The following CEP112 variants were observed in gnomAD, a reference collection of about 807,000 sequenced individuals.
CEP112 encodes the protein centrosomal protein 112.
CEP112 carries 127 observed loss-of-function variants against 153.0 expected under a neutral mutation model. The ratio of observed to expected loss-of-function variants is 0.83; its 90% CI spans 0.72 to 0.96. The LOEUF (loss-of-function observed/expected upper bound fraction) is 0.96. Among genes scored for constraint, CEP112 ranks in the 40% least tolerant of loss-of-function variants. The pLI is 0.00. For missense variants in CEP112, 1,089 were observed against 1,101.2 expected, an observed-to-expected ratio of 0.99 and a Z score of 0.16; for synonymous variants, 358 against 374.4, an observed-to-expected ratio of 0.96 and a Z score of 0.51.
intron 2 of CEP112, 139 bp from the exon 3 acceptor site, chr17:66,177,159 CT>C: frequency 1.6e-6 from 1 of 629,756 alleles, no homozygotes; most frequent in Non-Finnish European, 2.6e-6. Context: ...AGAGTATATA[CT>C]TTAGGCTTCA....
At chr17:66,059,397 G>A (rs557181205) in intron 11 of CEP112, among the ~76,000 whole-genome samples, 2 of 152,188 alleles carry the variant, frequency 1.3e-5, no homozygotes, top group East Asian at 1.9e-4. Context: ...TGCAAACTAT[G>A]TATCTGACAA....
At position 66,191,551 on chromosome 17, in the gene CEP112, G is replaced by A. The variant is rs1416563974; in HGVS notation, c.-9+446C>T. 3.3e-5 allele frequency: 5 copies of A among 152,640 alleles called. No homozygotes were observed. The highest frequency in any genetic ancestry group is 1.2e-4 in the African/African-American group (5 of 41,454). The allele number at this position is 152,640 out of a possible 1,614,324, so 9.5% of individuals were successfully genotyped here. A position where few individuals can be genotyped will look rare whatever the true frequency, so the allele number is the denominator to read the frequency against. ...TGGTTCTGTCCCCGCAAATCCAGCTGATTGTTCTGAGACTCTTTTCTGGGA... is the reference window on the plus strand; with the variant it reads ...TGGTTCTGTCCCCGCAAATCCAGCTAATTGTTCTGAGACTCTTTTCTGGGA... On this transcript the variant is annotated intron_variant, in intron 1 of 26. Transcript: ENST00000535342. This position sits in a 1 kb window ranked among gnomAD's most constrained non-coding sequence, Gnocchi z 4.2.
chr17:66,108,444 TG>T (rs528897755), intron 6 of CEP112, among the ~76,000 whole-genome samples: 8 of 152,134 alleles, frequency 5.3e-5, no homozygotes, highest in South Asian at 4.1e-4. Context: ...GACTTGAAAA[TG>T]GGCAAAAGAT....
intron 8 of CEP112, among the ~76,000 whole-genome samples, chr17:66,078,257 C>CT (rs1188440615): frequency 3.9e-5 from 2 of 50,766 alleles, no homozygotes; most frequent in African/African-American, 5.7e-5. Flanking sequence ...CTTTTCTTTT[C>CT]TTTTTCTTTT....
intron 17 of CEP112, among the ~76,000 whole-genome samples, chr17:65,993,714 C>G (rs535296969): frequency 2.0e-5 from 3 of 152,140 alleles, no homozygotes; most frequent in Non-Finnish European, 2.9e-5. Context: ...TCTCACAAAC[C>G]TAAATATTGA....
chr17:65,891,588 T>C (rs2059469365), intron 20 of CEP112, among the ~76,000 whole-genome samples: 2 of 152,166 alleles, frequency 1.3e-5, no homozygotes, highest in African/African-American at 4.8e-5. Context: ...GCATGCCATA[T>C]TGGCATCTAG....
At chr17:65,872,764 A>G (rs72831462) in intron 20 of CEP112, among the ~76,000 whole-genome samples, 9,474 of 152,304 alleles carry the variant, frequency 0.062, 355 homozygotes, top group South Asian at 0.12. Context: ...ACTGAAAACT[A>G]ATAAACATCA....
chr17:65,832,916 T>C lies in CEP112; in HGVS notation c.2394+18888A>G, dbSNP rs9911238. Among the ~76,000 whole-genome samples the C allele has an allele frequency of 3.2e-3, 482 of 152,198 alleles. 3 individuals carry two copies. Among genetic ancestry groups the C allele is most frequent in the African/African-American group, 0.011 (455 of 41,530 alleles). ...ACAAAACAACAAAAAAAGAAAACTT[T>C]AGGCCAATATACTTGATGAACATTG... On this transcript the variant is annotated intron_variant, in intron 21 of 26. Transcript: ENST00000535342.
rs57907674 is a variant in CEP112, at chr17:65,679,129, C to CTTTTTTTTTTT, written c.2697+9989_2697+9999dup. The stretch of plus-strand genomic sequence containing the variant: ...AATGTCCTTGACACTGTGGTTCAAG[C>CTTTTTTTTTTT]TTTTTTTTTTTTTTTTTTTTTTTTT... On this transcript the variant is annotated intron_variant, in intron 24 of 26. Coordinates refer to ENST00000535342, the MANE Select transcript of CEP112 (RefSeq NM_001199165.4). 5.4e-4 allele frequency among the ~76,000 whole-genome samples: 17 copies of CTTTTTTTTTTT among 31,628 alleles called. 6 individuals carry two copies. The highest frequency in any genetic ancestry group is 9.0e-4 in the Non-Finnish European group (15 of 16,754). 20.7% of individuals were successfully genotyped at this position (31,628 alleles called of 152,430 possible).
At chr17:65,701,755 A>G (rs1282293878) in intron 23 of CEP112, among the ~76,000 whole-genome samples, 1 of 151,918 alleles carries the variant, frequency 6.6e-6, no homozygotes, top group African/African-American at 2.4e-5. Context: ...CTTCCCTTCC[A>G]CCTGTCCTGC....
intron 8 of CEP112, among the ~76,000 whole-genome samples, chr17:66,073,302 G>A (rs959017838): frequency 6.6e-6 from 1 of 152,182 alleles, no homozygotes; most frequent in African/African-American, 2.4e-5. Context: ...TTCCGCCTGG[G>A]TACAACAACT....
intron 23 of CEP112, among the ~76,000 whole-genome samples, chr17:65,726,780 C>A (rs2050208153): frequency 3.9e-5 from 6 of 152,118 alleles, no homozygotes; most frequent in Admixed American, 3.9e-4. Context: ...CATCTGGAGA[C>A]CTACTCAGGA....
chr17:65,870,130 T>A (rs1379782592), intron 20 of CEP112, among the ~76,000 whole-genome samples: 1 of 146,144 alleles, frequency 6.8e-6, no homozygotes, highest in Non-Finnish European at 1.5e-5. Context: ...TCAGTGTATG[T>A]GCTTATCTGA....
At chr17:65,950,671 CTTCT>C (rs2061793875) in intron 18 of CEP112, among the ~76,000 whole-genome samples, 4 of 121,922 alleles carry the variant, frequency 3.3e-5, no homozygotes, top group South Asian at 6.5e-4. Flanking sequence ...TACATTTGTA[CTTCT>C]TTCTTTCCAT....
At chr17:66,046,724 G>C (rs966697191) in intron 12 of CEP112, among the ~76,000 whole-genome samples, 9 of 152,116 alleles carry the variant, frequency 5.9e-5, no homozygotes, top group African/African-American at 2.2e-4. Context: ...TACTGGATTA[G>C]GGTGGGCCCT....
chr17:65,669,033 T>C (rs1370421470), intron 24 of CEP112, among the ~76,000 whole-genome samples: 1 of 152,180 alleles, frequency 6.6e-6, no homozygotes, highest in African/African-American at 2.4e-5. Context: ...AAGCCTCTGA[T>C]TGTCAAGTAA....
chr17:65,993,667 T>C (rs952483656), intron 17 of CEP112, among the ~76,000 whole-genome samples: 3 of 152,114 alleles, frequency 2.0e-5, no homozygotes, highest in Non-Finnish European at 4.4e-5. Flanking sequence ...CAAATGAGCA[T>C]GTAAAAACTA....
chr17:66,073,674 G>A (rs570150872), intron 8 of CEP112, among the ~76,000 whole-genome samples: 14 of 152,198 alleles, frequency 9.2e-5, no homozygotes, highest in Non-Finnish European at 1.8e-4. Context: ...TACAAGGACT[G>A]AAAGCAAGCC....
intron 20 of CEP112, 113 bp downstream of exon 20, chr17:65,902,039 C>T (rs2241008): frequency 0.79 from 329,343 of 418,364 alleles, 133,357 homozygotes; most frequent in Non-Finnish European, 0.87. Flanking sequence ...ATTTATATGT[C>T]AGTTTTGCAA....
Sources: gnomAD v4.1 joint callset for allele counts (sites outside exome capture counted in the v4.1 genomes callset) on GRCh38, gnomAD v4.1.1 for gene constraint, Gnocchi (gnomAD v3.1) non-coding constraint, MANE v1.5 for transcripts, NCBI Gene and HGNC (gene_info 2026-07-23, HGNC 2026-07-21) for gene names.